ZMYM4: variants seen among roughly 807,000 people sequenced by gnomAD.
The protein encoded by ZMYM4 is zinc finger MYM-type containing 4, also known as zinc finger MYM-type protein 4.
Under a neutral mutation model 183.2 loss-of-function variants are expected in ZMYM4, and 31 were observed. The ratio of observed to expected loss-of-function variants is 0.17; its 90% CI spans 0.13 to 0.23. The LOEUF (loss-of-function observed/expected upper bound fraction) is 0.23. ZMYM4 is among the 10% of genes least tolerant of loss of function. The pLI is 1.00. For missense variants in ZMYM4, 1,273 were observed against 1,840.3 expected, an observed-to-expected ratio of 0.69 and a Z score of 5.64; for synonymous variants, 592 against 631.2, an observed-to-expected ratio of 0.94 and a Z score of 0.93.
chr1:35,281,533 G>T (rs1046882522), intron 1 of ZMYM4, among the ~76,000 whole-genome samples: 1 of 152,008 alleles, frequency 6.6e-6, no homozygotes, highest in Non-Finnish European at 1.5e-5. Flanking sequence ...AGTATTTAAG[G>T]TGATGGATAT....
At chr1:35,310,450 A>C (rs1315748848) in intron 1 of ZMYM4, 1 of 167,664 alleles carries the variant, frequency 6.0e-6, no homozygotes, top group Admixed American at 6.3e-5. Context: ...AAAAATAAAA[A>C]GGTATACAGA....
At chr1:35,370,840 T>C (rs923229222) in intron 7 of ZMYM4, 2 of 497,286 alleles carry the variant, frequency 4.0e-6, no homozygotes, top group Admixed American at 4.3e-5. Context: ...TAGCTTTCAA[T>C]AATGTTACTT....
At chr1:35,301,545 CAAAAA>C (rs531815209) in intron 1 of ZMYM4, among the ~76,000 whole-genome samples, 1 of 80,660 alleles carries the variant, frequency 1.2e-5, no homozygotes. Context: ...GAGGGTGTCT[CAAAAA>C]AAAAAAAAAA....
At chr1:35,409,723 C>T (rs1040674149) in intron 26 of ZMYM4, among the ~76,000 whole-genome samples, 2 of 151,704 alleles carry the variant, frequency 1.3e-5, no homozygotes, top group African/African-American at 4.8e-5. Flanking sequence ...AGGCAGATCA[C>T]GAGGTCAGGA....
intron 2 of ZMYM4, among the ~76,000 whole-genome samples, chr1:35,330,633 A>G (rs995327085): frequency 6.6e-6 from 1 of 152,340 alleles, no homozygotes; most frequent in Admixed American, 6.5e-5. Flanking sequence ...TCTCTTAGTA[A>G]GGAAAAGGGA....
At chr1:35,379,965 ATAT>A (rs1485233063) in intron 7 of ZMYM4, among the ~76,000 whole-genome samples, 2 of 152,208 alleles carry the variant, frequency 1.3e-5, no homozygotes, top group Non-Finnish European at 2.9e-5. Flanking sequence ...AGAAAAACAG[ATAT>A]TATAGTAGCA....
rs754022232 is a variant in ZMYM4 at position 35,419,705 on chromosome 1, C to T, written c.*28C>T. 1 of 1,610,102 alleles carries T rather than the reference C, an allele frequency of 6.2e-7. No individual in the cohort carries two copies. The highest frequency in any genetic ancestry group is 1.1e-5 in the South Asian group (1 of 90,756). On this transcript the variant is annotated 3_prime_UTR_variant, in exon 30 of 30. Transcript: ENST00000314607. ...CGGAAGTGAGGTTCTTATTTTCATA[C>T]ATATTGGTATGCACCAAACTGTGAA...
At position 35,293,355 on chromosome 1, in the gene ZMYM4, C is replaced by T. The variant is rs541539507; in HGVS notation, c.39+24270C>T. Among the ~76,000 whole-genome samples the T allele has an allele frequency of 5.3e-5, 8 of 152,044 alleles. No individual in the cohort carries two copies. The East Asian group carries it at 7.7e-4, about 15-fold the overall frequency. ...TTGAGACAGAGTCTCACTCTGTCAC[C>T]GAGGCTGGAGTGTAGTGGCAGGATC... is the stretch of plus-strand genomic sequence containing the variant. On this transcript the variant is annotated intron_variant, in intron 1 of 29. Transcript: ENST00000314607.
At position 35,381,279 on chromosome 1, in the gene ZMYM4, A is replaced by T. The variant is rs761243876; in HGVS notation, c.1202A>T (p.Asp401Val). 1 of 1,600,334 alleles carries T rather than the reference A, an allele frequency of 6.2e-7. No individual in the cohort carries two copies. Among genetic ancestry groups the T allele is most frequent in the Non-Finnish European group, 8.5e-7 (1 of 1,173,840 alleles). The stretch of plus-strand genomic sequence containing the variant: ...TTTAGAGACATTTTAAATCCAAAGG[A>T]TGTGATCAGTGCCCAGTTTGAAAAC... ...SCSKDILNPK[D>V]VISAQFENTT... Residue 401 changes from aspartate to valine, a missense_variant, in exon 8 of 30, where the codon GAT becomes GTT. This residue lies in a region of ZMYM4 where 384 missense variants were observed against 465.6 expected (regional missense o/e 0.82). Coordinates refer to ENST00000314607, the MANE Select transcript of ZMYM4 (RefSeq NM_005095.3).
intron 2 of ZMYM4, among the ~76,000 whole-genome samples, chr1:35,353,186 G>C (rs1643693748): frequency 6.6e-6 from 1 of 152,154 alleles, no homozygotes; most frequent in East Asian, 1.9e-4. Flanking sequence ...TCTGACTACT[G>C]TTCTTCACAT....
In ZMYM4 at chr1:35,274,593, A is replaced by G. The variant is rs914811946; in HGVS notation, c.39+5508A>G. Among the ~76,000 whole-genome samples the G allele has an allele frequency of 2.7e-4, 40 of 150,234 alleles. 1 individual carries two copies. Among genetic ancestry groups the G allele is most frequent in the Non-Finnish European group, 3.0e-5 (2 of 67,720 alleles). On this transcript the variant is annotated intron_variant, in intron 1 of 29. Coordinates refer to ENST00000314607, the MANE Select transcript of ZMYM4 (RefSeq NM_005095.3). ...TGCACTTTAGCCTGGGTGACAGAGCAAGAGAGACACTGTTTTTTTTTTTAA... is the reference window on the plus strand; with the variant it reads ...TGCACTTTAGCCTGGGTGACAGAGCGAGAGAGACACTGTTTTTTTTTTTAA...
chr1:35,390,595 C>T (rs181284251), intron 15 of ZMYM4, among the ~76,000 whole-genome samples: 2 of 152,182 alleles, frequency 1.3e-5, no homozygotes, highest in African/African-American at 4.8e-5. Context: ...AGGCAGGAAC[C>T]GGCCATCTGG....
intron 23 of ZMYM4, chr1:35,400,058 G>A (rs1162331334): frequency 6.6e-6 from 1 of 150,446 alleles, no homozygotes; most frequent in Non-Finnish European, 1.4e-5. Flanking sequence ...CAGGAGAATG[G>A]CCTGAACCCA....
intron 7 of ZMYM4, among the ~76,000 whole-genome samples, chr1:35,375,476 A>G (rs893595990): frequency 6.6e-6 from 1 of 152,176 alleles, no homozygotes; most frequent in Non-Finnish European, 1.5e-5. Context: ...TACATAGTCT[A>G]TGTAGTCAAA....
chr1:35,293,612 C>A (rs576637280), intron 1 of ZMYM4, among the ~76,000 whole-genome samples: 1 of 152,048 alleles, frequency 6.6e-6, no homozygotes, highest in Non-Finnish European at 1.5e-5. Flanking sequence ...CTCCTGCGCC[C>A]GGCTGTGGGT....
intron 1 of ZMYM4, among the ~76,000 whole-genome samples, chr1:35,284,722 A>G (rs1396739191): frequency 6.6e-6 from 1 of 152,190 alleles, no homozygotes; most frequent in East Asian, 1.9e-4. Flanking sequence ...TTTTATTTTC[A>G]GGCCTTTTCT....
chr1:35,420,015 TAGACCTTA>T lies in ZMYM4; in HGVS notation c.*339_*346del. Reference sequence around the variant, plus strand: ...GTATAAAACTTTACCATAGTAACCTTAGACCTTAGAGAGGTAGCTTTGGAGTGAAACTT... The same window carrying T: ...GTATAAAACTTTACCATAGTAACCTTGAGAGGTAGCTTTGGAGTGAAACTT... On this transcript the variant is annotated 3_prime_UTR_variant, in exon 30 of 30. Transcript: ENST00000314607. The T allele has an allele frequency of 3.0e-6, 1 of 328,606 alleles. No individual in the cohort carries two copies. The highest frequency in any genetic ancestry group is 5.9e-6 in the Non-Finnish European group (1 of 169,048). The allele number at this position is 328,606 out of a possible 1,614,324, so 20.4% of individuals were successfully genotyped here.
intron 2 of ZMYM4, among the ~76,000 whole-genome samples, chr1:35,329,445 C>T (rs1379824368): frequency 1.3e-5 from 2 of 152,104 alleles, no homozygotes; most frequent in Admixed American, 1.3e-4. Flanking sequence ...TTAATATATT[C>T]AGATAGTTGC....
chr1:35,309,047 G>A (rs1641677302), intron 1 of ZMYM4: 1 of 985,396 alleles, frequency 1.0e-6, no homozygotes, highest in Non-Finnish European at 1.2e-6. Context: ...TGAATTTGGG[G>A]AGAAATGGTG....
Sources: gnomAD v4.1 joint callset for allele counts (sites outside exome capture counted in the v4.1 genomes callset) on GRCh38, gnomAD v4.1.1 for gene constraint, gnomAD v4.1.1 regional missense constraint, MANE v1.5 for transcripts, NCBI Gene and HGNC (gene_info 2026-07-23, HGNC 2026-07-21) for gene names.